Variants in BCAR3 observed in about 807,000 individuals in gnomAD.
BCAR3 encodes the protein BCAR3 adaptor protein, NSP family member.
BCAR3 carries 37 observed loss-of-function variants against 80.1 expected under a neutral mutation model. The observed-to-expected ratio is 0.46, with a 90% CI of 0.36 to 0.61. BCAR3 has a LOEUF of 0.61. Among genes scored for constraint, BCAR3 ranks in the 20% least tolerant of loss-of-function variants. BCAR3 has a pLI of 0.00. For synonymous variants in BCAR3, 389 were observed against 418.9 expected (o/e 0.93, Z 0.87); for missense variants, 978 against 1,068.2 (o/e 0.92, Z 1.18).
At chr1:93,724,353 T>C (rs1355699417) in intron 2 of BCAR3, among the ~76,000 whole-genome samples, 2 of 152,214 alleles carry the variant, frequency 1.3e-5, no homozygotes, top group South Asian at 2.1e-4. Flanking sequence ...AGTGCCTTCC[T>C]GGTCTGTTTC....
intron 7 of BCAR3, among the ~76,000 whole-genome samples, chr1:93,578,476 AC>A (rs1298011114): frequency 6.6e-6 from 1 of 151,688 alleles, no homozygotes; most frequent in Non-Finnish European, 1.5e-5. Flanking sequence ...CTGTAAACCA[AC>A]CCCTCTCTCC....
At chr1:93,819,689 TC>T (rs1202432383) in intron 2 of BCAR3, among the ~76,000 whole-genome samples, 2 of 152,232 alleles carry the variant, frequency 1.3e-5, no homozygotes, top group Non-Finnish European at 2.9e-5. Context: ...GGTGCGAGTA[TC>T]TTTTCACCTA....
intron 2 of BCAR3, among the ~76,000 whole-genome samples, chr1:93,739,757 A>T (rs867844044): frequency 1.3e-5 from 2 of 152,336 alleles, no homozygotes; most frequent in Middle Eastern, 3.4e-3. Flanking sequence ...AGAGCTGGCC[A>T]GGTGCAGTGG....
chr1:93,756,452 C>T (rs112558168), intron 2 of BCAR3, among the ~76,000 whole-genome samples: 1 of 152,212 alleles, frequency 6.6e-6, no homozygotes, highest in Non-Finnish European at 1.5e-5. Flanking sequence ...AGGAACCACC[C>T]TGGTGACTAA....
intron 2 of BCAR3, among the ~76,000 whole-genome samples, chr1:93,764,023 C>A (rs1055214130): frequency 6.6e-6 from 1 of 152,144 alleles, no homozygotes; most frequent in African/African-American, 2.4e-5. Flanking sequence ...CACCTGATCA[C>A]ACATAGATCC....
chr1:93,565,361 C>T (rs1049429133), intron 11 of BCAR3, among the ~76,000 whole-genome samples: 2 of 147,606 alleles, frequency 1.4e-5, no homozygotes, highest in Non-Finnish European at 3.0e-5. Flanking sequence ...CCACTGCGCC[C>T]GGCCCCCAGA....
intron 2 of BCAR3, among the ~76,000 whole-genome samples, chr1:93,669,835 G>A (rs896490046): frequency 6.6e-6 from 1 of 152,208 alleles, no homozygotes. Context: ...AGTGACTCAG[G>A]AATGGAAAAC....
chr1:93,618,912 C>T (rs1337178956), intron 3 of BCAR3, among the ~76,000 whole-genome samples: 3 of 149,914 alleles, frequency 2.0e-5, no homozygotes, highest in Admixed American at 2.0e-4. Context: ...ATTTACCAGC[C>T]TGAAGCCGTG....
intron 2 of BCAR3, among the ~76,000 whole-genome samples, chr1:93,732,177 G>C (rs1446732710): frequency 1.3e-5 from 2 of 152,260 alleles, no homozygotes; most frequent in Admixed American, 6.5e-5. Flanking sequence ...AGCAGGGCTA[G>C]TGTTTAGGAC....
intron 2 of BCAR3, chr1:93,845,502 A>ATATATATCTCATGTTGTC: frequency 1.8e-5 from 2 of 113,820 alleles, no homozygotes; most frequent in African/African-American, 3.5e-5. Flanking sequence ...ATATATATAT[A>ATATATATCTCATGTTGTC]AAACTTTGTT....
chr1:93,563,572 G>A (rs1422431613), intron 11 of BCAR3, among the ~76,000 whole-genome samples: 5 of 152,126 alleles, frequency 3.3e-5, no homozygotes, highest in African/African-American at 1.2e-4. Context: ...ATCAGTATAT[G>A]TTTACTTTTA....
chr1:93,681,468 G>C (rs1268861398), intron 1 of BCAR3, 130 bp downstream of exon 1: 1 of 152,236 alleles, frequency 6.6e-6, no homozygotes, highest in Non-Finnish European at 1.5e-5. Flanking sequence ...AACAAACGCC[G>C]GCTCTACTTT....
At chr1:93,593,293 C>T (rs555506088) in intron 3 of BCAR3, among the ~76,000 whole-genome samples, 1 of 152,324 alleles carries the variant, frequency 6.6e-6, no homozygotes, top group South Asian at 2.1e-4. Context: ...AGTTTCCCAG[C>T]TTGTCCTTCA....
chr1:93,644,367 A>G (rs558388778), intron 2 of BCAR3, among the ~76,000 whole-genome samples: 39 of 152,244 alleles, frequency 2.6e-4, no homozygotes, highest in Non-Finnish European at 4.6e-4. Flanking sequence ...TTTCCTTTCT[A>G]TCAATCCCCA....
intron 3 of BCAR3, among the ~76,000 whole-genome samples, chr1:93,601,955 G>C (rs187864464): frequency 1.5e-3 from 227 of 152,242 alleles, no homozygotes; most frequent in Admixed American, 4.0e-3. Context: ...TTAGCTTGAG[G>C]GAGAAGTCCA....
At chr1:93,583,543 C>T (rs2101833355) in intron 6 of BCAR3, among the ~76,000 whole-genome samples, 1 of 152,232 alleles carries the variant, frequency 6.6e-6, no homozygotes, top group South Asian at 2.1e-4. Flanking sequence ...TCCCCATACC[C>T]CATACCTTAT....
intron 2 of BCAR3, among the ~76,000 whole-genome samples, chr1:93,787,541 T>A (rs901686052): frequency 2.6e-5 from 4 of 152,198 alleles, no homozygotes; most frequent in Non-Finnish European, 4.4e-5. Flanking sequence ...AAAAATTTTT[T>A]AATTTCCGTC....
chr1:93,657,918 G>A (rs1432801832), intron 2 of BCAR3, among the ~76,000 whole-genome samples: 1 of 151,096 alleles, frequency 6.6e-6, no homozygotes, highest in East Asian at 1.9e-4. Flanking sequence ...CAATCAGTCA[G>A]AAACAAGACA....
At position 93,745,909 on chromosome 1, in the gene BCAR3, T is replaced by C. The variant is rs576078153; in HGVS notation, c.-62-39767A>G. On this transcript the variant is annotated intron_variant, in intron 2 of 13. Transcript: ENST00000370244. ...AATTAAAAACAAAACCAAAAATATT[T>C]TACTCTGGGCATGTTTCTGGGGGAG... is the stretch of plus-strand genomic sequence containing the variant. Among the ~76,000 whole-genome samples, 207 of 152,262 alleles carry C rather than the reference T, an allele frequency of 1.4e-3. 7 individuals carry two copies. In the South Asian group the frequency reaches 0.041, roughly 31 times the overall value.
Sources: gnomAD v4.1 joint callset for allele counts (sites outside exome capture counted in the v4.1 genomes callset) on GRCh38, gnomAD v4.1.1 for gene constraint, MANE v1.5 for transcripts, NCBI Gene and HGNC (gene_info 2026-07-23, HGNC 2026-07-21) for gene names.